The following EZH2 variants were observed in gnomAD, a reference collection of about 807,000 sequenced individuals.
EZH2 encodes the protein histone-lysine N-methyltransferase EZH2.
Under a neutral mutation model 98.4 loss-of-function variants are expected in EZH2, and 18 were observed. The ratio of observed to expected loss-of-function variants is 0.18; its 90% CI spans 0.13 to 0.27. The LOEUF is 0.27. Among genes scored for constraint, EZH2 ranks in the 10% least tolerant of loss-of-function variants. The probability of loss-of-function intolerance (pLI) is 1.00; values close to 1 mark genes in which losing one functional copy is unlikely to be tolerated. For synonymous variants in EZH2, 338 were observed against 312.3 expected, an observed-to-expected ratio of 1.08 and a Z score of -0.87; for missense variants, 470 against 935.1, an observed-to-expected ratio of 0.50 and a Z score of 6.49.
intron 3 of EZH2, 91 bp downstream of exon 3, chr7:148,846,379 T>C: frequency 7.0e-7 from 1 of 1,419,272 alleles, no homozygotes; most frequent in East Asian, 2.3e-5. Context: ...CACCCTGAGG[T>C]CAATGATTTC....
At chr7:148,862,365 A>G (rs1366509198) in intron 1 of EZH2, among the ~76,000 whole-genome samples, 1 of 152,232 alleles carries the variant, frequency 6.6e-6, no homozygotes, top group Non-Finnish European at 1.5e-5. Context: ...TGTTAAACCC[A>G]TTAATCTCAT....
intron 8 of EZH2, chr7:148,821,061 T>A (rs1167071807): frequency 2.0e-5 from 3 of 152,022 alleles, no homozygotes; most frequent in Non-Finnish European, 4.4e-5. Context: ...CTGGTTTTTA[T>A]CAGAAAGCCT....
intron 1 of EZH2, among the ~76,000 whole-genome samples, chr7:148,861,884 G>A (rs1383185162): frequency 1.3e-5 from 2 of 151,810 alleles, no homozygotes; most frequent in Non-Finnish European, 2.9e-5. Context: ...AATAGGAAAC[G>A]GATTCTCGTA....
At chr7:148,829,669 A>G (rs1436240589) in intron 5 of EZH2, 59 bp downstream of exon 5, 1 of 1,578,182 alleles carries the variant, frequency 6.3e-7, no homozygotes, top group Non-Finnish European at 8.6e-7. Flanking sequence ...TGCTTCATAA[A>G]CAAAAGTGTC....
chr7:148,865,433 C>T (rs567850769), intron 1 of EZH2, among the ~76,000 whole-genome samples: 33 of 152,282 alleles, frequency 2.2e-4, no homozygotes, highest in Non-Finnish European at 3.8e-4. Flanking sequence ...AGACACTAAG[C>T]GTTTGCCTAA....
intron 1 of EZH2, among the ~76,000 whole-genome samples, chr7:148,856,790 T>C (rs542769468): frequency 6.6e-6 from 1 of 152,160 alleles, no homozygotes; most frequent in Non-Finnish European, 1.5e-5. Context: ...AAATAATTAT[T>C]CATGAGTCTA....
Position 148,816,715 on chromosome 7 carries a change from T to C in EZH2, c.1474A>G (p.Thr492Ala), listed in dbSNP as rs770006533. The change falls in exon 12 of 20, where the codon ACT (threonine) becomes GCT (alanine). Residue 492 changes from threonine (T) to alanine (A), a missense_variant. By Grantham distance (58) the Thr-to-Ala change is moderately conservative. This residue lies in a region of EZH2 where 192 missense variants were observed against 306.8 expected (regional missense o/e 0.63). Transcript: ENST00000320356. ...IAPAPAEDVD[T>A]PPRKKKRKHR... The stretch of plus-strand genomic sequence containing the variant: ...TTCCTCTTCTTTTTCCTTGGAGGAG[T>C]ATCCACATCCTCAGCGGGAGCTGGA... 1 of 1,613,986 alleles carries C rather than the reference T, an allele frequency of 6.2e-7. No homozygotes were observed. The highest frequency in any genetic ancestry group is 1.7e-5 in the Admixed American group (1 of 60,024).
At chr7:148,810,993 G>A (rs538814227) in intron 16 of EZH2, among the ~76,000 whole-genome samples, 57 of 152,102 alleles carry the variant, frequency 3.7e-4, no homozygotes, top group South Asian at 1.5e-3. Context: ...AATTTAAAAG[G>A]TGAATAACTA....
Position 148,846,570 on chromosome 7 carries a change from A to C in EZH2, c.146T>G (p.Ile49Ser), listed in dbSNP as rs2129485024. The C allele has an allele frequency of 6.2e-7, 1 of 1,611,906 alleles. No homozygotes were observed. Among genetic ancestry groups the C allele is most frequent in the Non-Finnish European group, 8.5e-7 (1 of 1,179,594 alleles). Residue 49 changes from isoleucine (I) to serine (S), a missense_variant, in exon 3 of 20, where the codon ATT becomes AGT. Coordinates refer to ENST00000320356, the MANE Select transcript of EZH2 (RefSeq NM_004456.5). ...GTTTAAGATTTCCGTTCTTTCCAAA[A>C]TTTTCTGACGATTGGAACTAAACAT... ...KSMFSSNRQK[I>S]LERTEILNQE...
At chr7:148,839,690 G>A (rs554433360) in intron 3 of EZH2, among the ~76,000 whole-genome samples, 18 of 151,794 alleles carry the variant, frequency 1.2e-4, no homozygotes, top group East Asian at 5.8e-4. Flanking sequence ...GACTACAGGC[G>A]CACACCACCA....
intron 1 of EZH2, among the ~76,000 whole-genome samples, chr7:148,848,157 C>A (rs1049536456): frequency 2.0e-5 from 3 of 152,152 alleles, no homozygotes; most frequent in African/African-American, 7.2e-5. Context: ...TCAGGCTATG[C>A]AAAGCTTTAC....
chr7:148,856,704 C>T (rs1816887632), intron 1 of EZH2, among the ~76,000 whole-genome samples: 1 of 152,140 alleles, frequency 6.6e-6, no homozygotes, highest in African/African-American at 2.4e-5. Context: ...TGGAAGCAAA[C>T]AGAAGAAACT....
intron 1 of EZH2, chr7:148,883,292 G>A (rs1300838348): frequency 6.6e-6 from 1 of 152,310 alleles, no homozygotes; most frequent in East Asian, 1.9e-4. Flanking sequence ...GGGAACGGAA[G>A]GGGATGTACA....
At chr7:148,879,176 GA>G (rs2129494929) in intron 1 of EZH2, among the ~76,000 whole-genome samples, 1 of 151,960 alleles carries the variant, frequency 6.6e-6, no homozygotes, top group South Asian at 2.1e-4. Context: ...AGTGAGCCGA[GA>G]TCACGCCACT....
chr7:148,848,071 G>C (rs138611278), intron 1 of EZH2, among the ~76,000 whole-genome samples: 1 of 152,146 alleles, frequency 6.6e-6, no homozygotes, highest in African/African-American at 2.4e-5. Flanking sequence ...CTAAACAAGC[G>C]TCTTTTCCTA....
In EZH2 at chr7:148,860,462, A is replaced by G. The variant is rs534246187; in HGVS notation, c.-7-13157T>C. Among the ~76,000 whole-genome samples the G allele has an allele frequency of 9.2e-5, 14 of 152,350 alleles. No homozygotes were observed. In the South Asian group the frequency reaches 2.9e-3, roughly 32 times the overall value. On this transcript the variant is annotated intron_variant, in intron 1 of 19. Coordinates refer to ENST00000320356, the MANE Select transcript of EZH2 (RefSeq NM_004456.5). ...GCCCTAAATCAGCCACTGCTACAACAGAGAATACAGAACTTCATTGAGGTT... is the reference window on the plus strand; with the variant it reads ...GCCCTAAATCAGCCACTGCTACAACGGAGAATACAGAACTTCATTGAGGTT...
At chr7:148,832,270 C>A (rs1196144270) in intron 4 of EZH2, among the ~76,000 whole-genome samples, 1 of 152,088 alleles carries the variant, frequency 6.6e-6, no homozygotes, top group Non-Finnish European at 1.5e-5. Context: ...GAGGACACAG[C>A]GTTTTGCCAT....
chr7:148,853,217 G>A (rs1181109528), intron 1 of EZH2, among the ~76,000 whole-genome samples: 1 of 152,152 alleles, frequency 6.6e-6, no homozygotes, highest in Non-Finnish European at 1.5e-5. Context: ...TTCGAGACCA[G>A]TCTGGCCAAC....
At chr7:148,881,608 T>C (rs1585338883) in intron 1 of EZH2, among the ~76,000 whole-genome samples, 2 of 152,138 alleles carry the variant, frequency 1.3e-5, no homozygotes, top group Admixed American at 1.3e-4. Context: ...ATAGTAATTA[T>C]CAAATACAGA....
Sources: gnomAD v4.1 joint callset for allele counts (sites outside exome capture counted in the v4.1 genomes callset) on GRCh38, gnomAD v4.1.1 for gene constraint, gnomAD v4.1.1 regional missense constraint, MANE v1.5 for transcripts, NCBI Gene and HGNC (gene_info 2026-07-23, HGNC 2026-07-21) for gene names.